Variants in TTLL8 observed in about 807,000 individuals in gnomAD.
The protein encoded by TTLL8 is tubulin tyrosine ligase like 8, also known as protein monoglycylase TTLL8.
TTLL8 carries 65 observed loss-of-function variants against 77.8 expected under a neutral mutation model. The observed-to-expected ratio is 0.84, with a 90% CI of 0.68 to 1.03. The LOEUF is 1.03. Ranked by LOEUF, TTLL8 falls within the 50% of genes least tolerant of loss-of-function variation. The pLI is 0.00. For synonymous variants in TTLL8, 402 were observed against 422.8 expected (o/e 0.95, Z 0.60); for missense variants, 910 against 1,004.5 (o/e 0.91, Z 1.27).
intron 2 of TTLL8, among the ~76,000 whole-genome samples, chr22:50,049,728 G>A (rs1163898646): frequency 6.6e-6 from 1 of 152,214 alleles, no homozygotes. Flanking sequence ...AGAGGATGCA[G>A]ACACAGCTGT....
chr22:50,045,168 G>A, intron 6 of TTLL8, 87 bp downstream of exon 8: 1 of 1,264,710 alleles, frequency 7.9e-7, no homozygotes. Flanking sequence ...CAACCCTCAG[G>A]ACTGACCACA....
rs146846158 is a variant in TTLL8 at position 50,041,625 on chromosome 22, C to G, written c.826G>C (p.Val276Leu). ...AGGGGCCTGCGTAAGTCTTACTGAA[C>G]GAGGGAGTAGTACTGCTGGGTCAGG... Residue 276 changes from valine to leucine, a missense_variant, in exon 7 of 14, where the codon GTT (valine) becomes CTT (leucine). Physicochemically the swap from Val to Leu is conservative, Grantham distance 32. Coordinates refer to ENST00000266182, the Ensembl canonical transcript of TTLL8. This position sits in a 1 kb window ranked among gnomAD's most constrained non-coding sequence, Gnocchi z 4.3. 7.4e-7 allele frequency: 1 copy of G among 1,355,722 alleles called. No homozygotes were observed. The highest frequency in any genetic ancestry group is 9.8e-7 in the Non-Finnish European group (1 of 1,016,266). The allele number at this position is 1,355,722 out of a possible 1,614,324, so 84.0% of individuals were successfully genotyped here. A position where few individuals can be genotyped will look rare whatever the true frequency, so the allele number is the denominator to read the frequency against.
chr22:50,026,261 A>G (rs1467963028), intron 12 of TTLL8, among the ~76,000 whole-genome samples: 1 of 149,282 alleles, frequency 6.7e-6, no homozygotes, highest in Admixed American at 6.6e-5. Flanking sequence ...ACACGGAAAT[A>G]CACCCGCCAC....
upstream of TTLL8, among the ~76,000 whole-genome samples, chr22:50,058,232 C>A (rs1287451731): frequency 1.3e-5 from 2 of 151,104 alleles, no homozygotes; most frequent in Non-Finnish European, 3.0e-5. This position sits in a 1 kb window ranked among gnomAD's most constrained non-coding sequence, Gnocchi z 4.2. Flanking sequence ...GGCGGCCACG[C>A]GCATTGTGCA....
chr22:50,049,371 T>G (rs369780515), intron 2 of TTLL8, 49 bp from the exon 5 acceptor site: 1,195 of 1,365,566 alleles, frequency 8.8e-4, no homozygotes, highest in Non-Finnish European at 1.1e-3. Context: ...TCAGCCAGAC[T>G]TCCCGCACCG....
At chr22:50,033,429 G>A (rs1437022112) in exon 10 of TTLL8, 1 of 1,364,074 alleles carries the variant, frequency 7.3e-7, no homozygotes, top group East Asian at 4.5e-5. Context: ...CCTCCACACG[G>A]TCCATGCACA....
chr22:50,056,424 C>G (rs1213603081), upstream of TTLL8, among the ~76,000 whole-genome samples: 1 of 152,188 alleles, frequency 6.6e-6, no homozygotes, highest in African/African-American at 2.4e-5. This position sits in a 1 kb window ranked among gnomAD's most constrained non-coding sequence, Gnocchi z 4.1. Context: ...CACCGGAGCT[C>G]TCGATCTGGC....
At chr22:50,039,019 T>C (rs1397849164) in intron 8 of TTLL8, among the ~76,000 whole-genome samples, 1 of 152,242 alleles carries the variant, frequency 6.6e-6, no homozygotes, top group African/African-American at 2.4e-5. Flanking sequence ...TTGGTTCTGA[T>C]GTATTATTTC....
chr22:50,056,859 C>T (rs1369394012), upstream of TTLL8: 10 of 1,289,588 alleles, frequency 7.8e-6, no homozygotes, highest in Middle Eastern at 2.1e-4. This position sits in a 1 kb window ranked among gnomAD's most constrained non-coding sequence, Gnocchi z 4.1. Flanking sequence ...AGGCAATACA[C>T]GATACCCACT....
chr22:50,030,630 C>A (rs1453679734), exon 12 of TTLL8: 14 of 1,291,228 alleles, frequency 1.1e-5, no homozygotes, highest in East Asian at 9.7e-5. Context: ...AGCTTTGGTG[C>A]GGGTGGGCTG....
At chr22:50,055,410 G>A, upstream of TTLL8, 1 of 1,042,484 alleles carries the variant, frequency 9.6e-7, no homozygotes, top group Admixed American at 2.8e-5. Flanking sequence ...TCCCAGCACT[G>A]TGGGAGGCCG....
At chr22:50,042,319 T>C (rs896336884) in intron 6 of TTLL8, among the ~76,000 whole-genome samples, 1 of 152,232 alleles carries the variant, frequency 6.6e-6, no homozygotes, top group Non-Finnish European at 1.5e-5. Context: ...TTTTATTTTT[T>C]ATTTTTATTG....
chr22:50,052,275 A>G (rs1319968764), intron 1 of TTLL8, among the ~76,000 whole-genome samples: 4 of 152,164 alleles, frequency 2.6e-5, no homozygotes, highest in Non-Finnish European at 5.9e-5. Flanking sequence ...TCCACAAGAC[A>G]CTCTGCCACC....
exon 6 of TTLL8, chr22:50,045,274 G>T: frequency 4.4e-6 from 6 of 1,357,806 alleles, no homozygotes; most frequent in Non-Finnish European, 5.9e-6. Flanking sequence ...TGCTCAGGTC[G>T]CTGCTCCCGG....
intron 3 of TTLL8, among the ~76,000 whole-genome samples, chr22:50,048,157 TACTAATC>T (rs962828141): frequency 2.0e-5 from 3 of 150,184 alleles, no homozygotes; most frequent in African/African-American, 7.4e-5. Flanking sequence ...AATAATAGCA[TACTAATC>T]ACTAACCACT....
intron 12 of TTLL8, among the ~76,000 whole-genome samples, chr22:50,025,919 T>C (rs1167863144): frequency 2.6e-5 from 4 of 152,160 alleles, no homozygotes; most frequent in African/African-American, 9.7e-5. Context: ...ACCAGGACTC[T>C]CACGTGGCAG....
chr22:50,035,454 G>A (rs553547384), intron 8 of TTLL8, among the ~76,000 whole-genome samples: 6 of 152,294 alleles, frequency 3.9e-5, no homozygotes, highest in African/African-American at 7.2e-5. Context: ...GTGCCTGGGC[G>A]AGAGCCCCTG....
chr22:50,047,121 C>T, intron 4 of TTLL8, 47 bp downstream of exon 6: 1 of 1,361,568 alleles, frequency 7.3e-7, no homozygotes, highest in African/African-American at 1.5e-5. Context: ...AAGCTCCTCC[C>T]CACCACCCTT....
At chr22:50,057,114 G>C (rs2061474985), upstream of TTLL8, among the ~76,000 whole-genome samples, 2 of 151,428 alleles carry the variant, frequency 1.3e-5, no homozygotes, top group Non-Finnish European at 2.9e-5. Context: ...TCTGGGTTGG[G>C]GGATGAGGTC....
Sources: gnomAD v4.1 joint callset for allele counts (sites outside exome capture counted in the v4.1 genomes callset) on GRCh38, gnomAD v4.1.1 for gene constraint, Gnocchi (gnomAD v3.1) non-coding constraint, MANE v1.5 for transcripts, NCBI Gene and HGNC (gene_info 2026-07-23, HGNC 2026-07-21) for gene names.